TMEM214: variants seen among roughly 807,000 people sequenced by gnomAD.
TMEM214 encodes the protein transmembrane protein 214.
In TMEM214, 71 loss-of-function variants were observed where a neutral mutation model predicts 89.8. The ratio of observed to expected loss-of-function variants is 0.79; its 90% confidence interval spans 0.65 to 0.96. The LOEUF (loss-of-function observed/expected upper bound fraction) is 0.96. TMEM214 is among the 40% of genes least tolerant of loss of function. The pLI is 0.00. For missense variants in TMEM214, 754 were observed against 843.4 expected, an observed-to-expected ratio of 0.89 and a Z score of 1.31; for synonymous variants, 332 against 349.5, an observed-to-expected ratio of 0.95 and a Z score of 0.56.
chr2:27,033,041 G>A lies in TMEM214; in HGVS notation c.26G>A (p.Gly9Glu). MATKTAGV[G>E]RWEVVKKGRR... ...ATGGCGACCAAGACGGCGGGCGTGG[G>A]GCGGTGGGAGGTAGTGAAGAAGGGT... Residue 9 changes from glycine to glutamate, a missense_variant, in exon 1 of 17, where the codon GGG becomes GAG. Physicochemically the swap from Gly to Glu is moderately conservative, Grantham distance 98. Transcript: ENST00000238788. The A allele has an allele frequency of 8.0e-7, 1 of 1,247,224 alleles. No homozygotes were observed. Among genetic ancestry groups the A allele is most frequent in the Non-Finnish European group, 1.0e-6 (1 of 987,942 alleles). 77.3% of individuals were successfully genotyped at this position (1,247,224 alleles called of 1,614,324 possible).
intron 8 of TMEM214, 95 bp downstream of exon 8, chr2:27,037,273 C>A: frequency 9.0e-7 from 1 of 1,106,422 alleles, no homozygotes; most frequent in Non-Finnish European, 1.4e-6. Flanking sequence ...CATCCTAGAT[C>A]TGAGATTTGC....
Position 27,033,139 on chromosome 2 carries a change from A to C in TMEM214, c.124A>C (p.Asn42His), listed in dbSNP as rs997327025. 4 of 1,247,358 alleles carry C rather than the reference A, an allele frequency of 3.2e-6. No homozygotes were observed. Among genetic ancestry groups the C allele is most frequent in the South Asian group, 4.1e-5 (1 of 24,414 alleles). The allele number at this position is 1,247,358 out of a possible 1,614,324, so 77.3% of individuals were successfully genotyped here. A position where few individuals can be genotyped will look rare whatever the true frequency, so the allele number is the denominator to read the frequency against. Residue 42 changes from asparagine to histidine, a missense_variant, in exon 1 of 17, where the codon AAC becomes CAC. By Grantham distance (68) the Asn-to-His change is moderately conservative. Transcript: ENST00000238788. The stretch of plus-strand genomic sequence containing the variant: ...GAACCGCAGGGCGCTCGGGGAAGCA[A>C]ACGGAGTGTGGAAATACGACCTGAC... ...GRNRRALGEA[N>H]GVWKYDLTPA...
chr2:27,035,709 A>C lies in TMEM214; in HGVS notation c.618A>C (p.Gln206His). ...ACCACTGTCTGTTCACCATGTTGCA[A>C]GAGCTGGATAAGACACCAGGTGAAA... ...FFDHCLFTML[Q>H]ELDKTPGESL... Residue 206 changes from glutamine (Q) to histidine (H), a missense_variant, in exon 4 of 17, where the codon CAA becomes CAC. Coordinates refer to ENST00000238788, the MANE Select transcript of TMEM214 (RefSeq NM_017727.5). 1 of 1,614,218 alleles carries C rather than the reference A, an allele frequency of 6.2e-7. No homozygotes were observed. The highest frequency in any genetic ancestry group is 8.5e-7 in the Non-Finnish European group (1 of 1,180,032).
At chr2:27,037,723 T>C in intron 9 of TMEM214, 21 bp downstream of exon 9, 1 of 1,613,490 alleles carries the variant, frequency 6.2e-7, no homozygotes, top group Non-Finnish European at 8.5e-7. Context: ...GGTGGGAGGC[T>C]TTTTCTCCTT....
intron 2 of TMEM214, chr2:27,034,554 T>A: frequency 2.5e-6 from 1 of 394,966 alleles, no homozygotes; most frequent in Non-Finnish European, 4.6e-6. Context: ...TTCTCTGTCC[T>A]ATGGAAATAC....
intron 8 of TMEM214, 145 bp from the exon 9 acceptor site, chr2:27,037,414 GTC>G: frequency 9.5e-7 from 1 of 1,053,200 alleles, no homozygotes; most frequent in Admixed American, 2.1e-5. Flanking sequence ...TTTCCAAGGA[GTC>G]TCTGAGTAAA....
intron 5 of TMEM214, among the ~76,000 whole-genome samples, 161 bp from the exon 6 acceptor site, chr2:27,036,326 C>T (rs537335300): frequency 2.6e-5 from 4 of 152,324 alleles, no homozygotes; most frequent in Non-Finnish European, 2.9e-5. Flanking sequence ...AGAGTATGGG[C>T]GAAGCCCACA....
intron 9 of TMEM214, 176 bp from the exon 10 acceptor site, chr2:27,037,970 T>G: frequency 6.4e-7 from 1 of 1,556,780 alleles, no homozygotes; most frequent in African/African-American, 1.4e-5. Context: ...AGCCCCAGCC[T>G]CCTGCTTTAC....
chr2:27,039,118 T>C lies in TMEM214; in HGVS notation c.1479T>C (p.Ala493=), dbSNP rs746846195. The C allele has an allele frequency of 6.2e-7, 1 of 1,613,970 alleles. No individual in the cohort carries two copies. The highest frequency in any genetic ancestry group is 1.1e-5 in the South Asian group (1 of 91,090). ...TRLLLLLLVF[A]VGFLCHDLRS... ...TCCTCCTGTTGCTGCTGGTCTTCGC[T>C]GTAGGCTTCCTGTGCCATGACCTCC... The change falls in exon 13 of 17, where the codon GCT becomes GCC. Residue 493 remains alanine (A), a synonymous_variant. Transcript: ENST00000238788.
chr2:27,040,886 C>T lies in TMEM214; in HGVS notation c.*49C>T, dbSNP rs996173172. 1.0e-5 allele frequency: 16 copies of T among 1,594,290 alleles called. No homozygotes were observed. Among genetic ancestry groups the T allele is most frequent in the African/African-American group, 4.0e-5 (3 of 74,612 alleles). On this transcript the variant is annotated 3_prime_UTR_variant, in exon 17 of 17. Coordinates refer to ENST00000238788, the MANE Select transcript of TMEM214 (RefSeq NM_017727.5). ...TTCTGCATGGGTAGACCATCCAAGA[C>T]TGCAGCGGGTAGAAGGTGGCAGTTC... is the stretch of plus-strand genomic sequence containing the variant.
At chr2:27,040,240 C>T in intron 15 of TMEM214, 42 bp downstream of exon 15, 1 of 1,605,530 alleles carries the variant, frequency 6.2e-7, no homozygotes, top group Non-Finnish European at 8.5e-7. Flanking sequence ...CTGGTTTTCC[C>T]AGGAGCAGAA....
In TMEM214 at chr2:27,037,063, C is replaced by T. The variant is rs374468266; in HGVS notation, c.909-14C>T. ...GTGGTGGTGTCCAGCGAGCCTGTTT[C>T]TTCATCCCCACAGGATGCATCCCAA... On this transcript the variant is annotated splice_polypyrimidine_tract_variant and intron_variant, in intron 7 of 16. Transcript: ENST00000238788. The T allele has an allele frequency of 2.4e-5, 38 of 1,611,760 alleles. No individual in the cohort carries two copies. Among genetic ancestry groups the T allele is most frequent in the Non-Finnish European group, 2.9e-5 (34 of 1,178,058 alleles).
intron 15 of TMEM214, 47 bp downstream of exon 15, chr2:27,040,245 G>A: frequency 6.2e-7 from 1 of 1,605,626 alleles, no homozygotes; most frequent in Non-Finnish European, 8.5e-7. Context: ...TTTCCCAGGA[G>A]CAGAATTCTG....
chr2:27,039,226 C>CACAT, intron 13 of TMEM214, 62 bp downstream of exon 13: 12 of 1,375,776 alleles, frequency 8.7e-6, no homozygotes, highest in Non-Finnish European at 1.2e-5. Context: ...ACACGTAGCA[C>CACAT]CACCACCCCG....
rs1360014931 is a variant in TMEM214 at position 27,035,193 on chromosome 2, A to G, written c.410A>G (p.Asn137Ser). The G allele has an allele frequency of 3.1e-6, 5 of 1,614,130 alleles. No individual in the cohort carries two copies. Among genetic ancestry groups the G allele is most frequent in the Non-Finnish European group, 4.2e-6 (5 of 1,180,020 alleles). ...AAGAGCCAGAGTGTGTTCTCTGGAA[A>G]CCCATCCATATGGTTGAAGGACCTG... ...LDKSQSVFSG[N>S]PSIWLKDLAS... Residue 137 changes from asparagine to serine, a missense_variant, in exon 3 of 17, where the codon AAC becomes AGC. Asn to Ser is a conservative substitution (Grantham distance 46). Coordinates refer to ENST00000238788, the MANE Select transcript of TMEM214 (RefSeq NM_017727.5).
chr2:27,035,983 T>C lies in TMEM214; in HGVS notation c.651T>C (p.His217=). 3.1e-6 allele frequency: 5 copies of C among 1,614,130 alleles called. No homozygotes were observed. The highest frequency in any genetic ancestry group is 4.2e-6 in the Non-Finnish European group (5 of 1,180,016). ...GTATCTCTCCAGGGGAGTCACTACATGGTTACCGCATCTGTATCCAGGCCA... is the reference window on the plus strand; with the variant it reads ...GTATCTCTCCAGGGGAGTCACTACACGGTTACCGCATCTGTATCCAGGCCA... The part of the protein sequence containing the change: ...ELDKTPGESL[H]GYRICIQAIL... Residue 217 remains histidine (H), a synonymous_variant, in exon 5 of 17, where the codon CAT becomes CAC. Transcript: ENST00000238788.
rs1203021754 is a variant in TMEM214, at chr2:27,038,590, G to C, written c.1293+58G>C. On this transcript the variant is annotated intron_variant, in intron 11 of 16. Coordinates refer to ENST00000238788, the MANE Select transcript of TMEM214 (RefSeq NM_017727.5). This position sits in a 1 kb window ranked among gnomAD's most constrained non-coding sequence, Gnocchi z 4.4. ...CCTGTCTGGATTCTAGGTTCTGAGT[G>C]GGGGCTCCTCAGCCACTGTCCCTTC... 6.2e-7 allele frequency: 1 copy of C among 1,610,006 alleles called. No homozygotes were observed. The highest frequency in any genetic ancestry group is 8.5e-7 in the Non-Finnish European group (1 of 1,176,982).
chr2:27,033,276 G>A, intron 1 of TMEM214, 110 bp downstream of exon 1: 2 of 1,097,068 alleles, frequency 1.8e-6, no homozygotes, highest in Non-Finnish European at 2.3e-6. Flanking sequence ...CGAGCGCCAC[G>A]CTTGCGTTGT....
Position 27,040,363 on chromosome 2 carries a change from G to C in TMEM214, c.1810G>C (p.Asp604His). Residue 604 changes from aspartate (D) to histidine (H), a missense_variant, in exon 16 of 17, where the codon GAT becomes CAT. By Grantham distance (81) the Asp-to-His change is moderately conservative (BLOSUM62 -1). Coordinates refer to ENST00000238788, the MANE Select transcript of TMEM214 (RefSeq NM_017727.5). ...GGTCCAGCTACAGATCCAGCTCCCC[G>C]ATTCCGTGAATCAGCTACTCCGCTA... is the stretch of plus-strand genomic sequence containing the variant. ...LSQRLQIQLP[D>H]SVNQLLRYLR... 3 of 1,614,148 alleles carry C rather than the reference G, an allele frequency of 1.9e-6. No homozygotes were observed. The highest frequency in any genetic ancestry group is 2.5e-6 in the Non-Finnish European group (3 of 1,180,028).
Sources: gnomAD v4.1 joint callset for allele counts (sites outside exome capture counted in the v4.1 genomes callset) on GRCh38, gnomAD v4.1.1 for gene constraint, Gnocchi (gnomAD v3.1) non-coding constraint, MANE v1.5 for transcripts, NCBI Gene and HGNC (gene_info 2026-07-23, HGNC 2026-07-21) for gene names.